Variants in KCTD16 observed in about 807,000 individuals in gnomAD.
KCTD16 encodes potassium channel tetramerization domain containing 16.
Under a neutral mutation model 33.2 loss-of-function variants are expected in KCTD16, and 13 were observed. The observed-to-expected ratio is 0.39, with a 90% CI of 0.25 to 0.62. KCTD16 has a LOEUF of 0.62. KCTD16 is among the 20% of genes least tolerant of loss of function. The probability of loss-of-function intolerance (pLI) is 0.50; values close to 1 mark genes in which losing one functional copy is unlikely to be tolerated. For missense variants in KCTD16, 441 were observed against 525.1 expected, an observed-to-expected ratio of 0.84 and a Z score of 1.57; for synonymous variants, 197 against 195.3, an observed-to-expected ratio of 1.01 and a Z score of -0.07.
intron 3 of KCTD16, among the ~76,000 whole-genome samples, chr5:144,275,576 T>C (rs1333155465): frequency 6.6e-6 from 1 of 152,238 alleles, no homozygotes; most frequent in Non-Finnish European, 1.5e-5. Flanking sequence ...TTCCCAGTTC[T>C]GCTTTTGTGA....
intron 2 of KCTD16, among the ~76,000 whole-genome samples, chr5:144,190,202 T>C (rs1752813834): frequency 6.6e-6 from 1 of 152,216 alleles, no homozygotes; most frequent in Non-Finnish European, 1.5e-5. Context: ...CTGTCTCTCT[T>C]ACTAGACTAT....
At chr5:144,472,756 G>A (rs1176782839) in intron 3 of KCTD16, among the ~76,000 whole-genome samples, 1 of 152,158 alleles carries the variant, frequency 6.6e-6, no homozygotes, top group Non-Finnish European at 1.5e-5. Context: ...AATAATAGAG[G>A]TATTTACAAA....
chr5:144,175,204 A>T (rs567422525), intron 2 of KCTD16, among the ~76,000 whole-genome samples: 1 of 152,320 alleles, frequency 6.6e-6, no homozygotes, highest in Non-Finnish European at 1.5e-5. Context: ...CAACCCAATG[A>T]GGTAGGTGCC....
At chr5:144,467,362 A>G (rs1277636315) in intron 3 of KCTD16, among the ~76,000 whole-genome samples, 1 of 151,988 alleles carries the variant, frequency 6.6e-6, no homozygotes, top group Admixed American at 6.6e-5. Flanking sequence ...CTGTCTGTAC[A>G]CAGCAGGCTT....
intron 3 of KCTD16, among the ~76,000 whole-genome samples, chr5:144,217,153 A>G (rs1753589892): frequency 6.6e-6 from 1 of 152,228 alleles, no homozygotes; most frequent in Admixed American, 6.5e-5. Context: ...GAGCTGGATC[A>G]CGTTGAAAAG....
At chr5:144,383,382 T>G (rs1580919379) in intron 3 of KCTD16, among the ~76,000 whole-genome samples, 1 of 152,174 alleles carries the variant, frequency 6.6e-6, no homozygotes, top group African/African-American at 2.4e-5. Context: ...TTTTTTGATT[T>G]GAAATATTCA....
In KCTD16 at chr5:144,194,802, C is replaced by A. The variant is rs192908683; in HGVS notation, c.-326-11587C>A. 2.8e-3 allele frequency among the ~76,000 whole-genome samples: 421 copies of A among 152,172 alleles called. 6 individuals carry two copies. Among genetic ancestry groups the A allele is most frequent in the African/African-American group, 9.3e-3 (386 of 41,510 alleles). ...AGGACTCTCTGATCCCAAAGCCCAC[C>A]CTTTTAACCATGATGCTCTATTGCT... On this transcript the variant is annotated intron_variant, in intron 2 of 3. Coordinates refer to ENST00000512467, the MANE Select transcript of KCTD16 (RefSeq NM_020768.4).
At chr5:144,208,352 C>T (rs980288037) in intron 3 of KCTD16, among the ~76,000 whole-genome samples, 2 of 152,146 alleles carry the variant, frequency 1.3e-5, no homozygotes, top group Non-Finnish European at 2.9e-5. Flanking sequence ...TCTTAGAGGT[C>T]AGTTCATTTG....
chr5:144,286,219 A>C (rs1001065506), intron 3 of KCTD16, among the ~76,000 whole-genome samples: 3 of 152,082 alleles, frequency 2.0e-5, no homozygotes, highest in African/African-American at 7.2e-5. Context: ...TGTGTGAGTG[A>C]AGATATCTTG....
chr5:144,329,966 T>G (rs542120156), intron 3 of KCTD16, among the ~76,000 whole-genome samples: 108 of 152,280 alleles, frequency 7.1e-4, no homozygotes, highest in African/African-American at 2.5e-3. Context: ...CTTCAAAAAT[T>G]ACCAGGAAAG....
Position 144,476,930 on chromosome 5 carries a change from G to T in KCTD16, c.*2816G>T, listed in dbSNP as rs143114630. On this transcript the variant is annotated 3_prime_UTR_variant, in exon 4 of 4. Transcript: ENST00000512467. ...TTCTCGAACATTGGTTATGACAAGG[G>T]CCATAAATTGCTAATATAAAGAAGT... 1.7e-4 allele frequency: 26 copies of T among 152,212 alleles called. No individual in the cohort carries two copies. The East Asian group carries it at 4.8e-3, about 28-fold the overall frequency. 9.4% of individuals were successfully genotyped at this position (152,212 alleles called of 1,614,324 possible). A position where few individuals can be genotyped will look rare whatever the true frequency, so the allele number is the denominator to read the frequency against.
At chr5:144,219,030 C>G (rs1292785922) in intron 3 of KCTD16, among the ~76,000 whole-genome samples, 1 of 152,076 alleles carries the variant, frequency 6.6e-6, no homozygotes, top group Non-Finnish European at 1.5e-5. Context: ...TACTTCCTAT[C>G]AGGGCATACT....
At chr5:144,391,010 C>G (rs1432588883) in intron 3 of KCTD16, among the ~76,000 whole-genome samples, 1 of 151,960 alleles carries the variant, frequency 6.6e-6, no homozygotes. Context: ...ACCTACAGCT[C>G]CCCCGCCACA....
intron 3 of KCTD16, among the ~76,000 whole-genome samples, chr5:144,227,734 T>C (rs1225463588): frequency 6.6e-6 from 1 of 152,186 alleles, no homozygotes; most frequent in Non-Finnish European, 1.5e-5. Context: ...GAGGAGTGGA[T>C]GGCTCAGAGA....
intron 2 of KCTD16, among the ~76,000 whole-genome samples, chr5:144,192,203 G>A (rs1561524155): frequency 6.6e-6 from 1 of 152,150 alleles, no homozygotes. Context: ...CTTCTTCAAG[G>A]TTTCAGGTTG....
chr5:144,243,970 C>T (rs1195892784), intron 3 of KCTD16, among the ~76,000 whole-genome samples: 1 of 152,094 alleles, frequency 6.6e-6, no homozygotes, highest in Admixed American at 6.6e-5. Context: ...GTCTCGATCT[C>T]CTGACTTCAT....
chr5:144,372,725 T>C lies in KCTD16; in HGVS notation c.833-100935T>C, dbSNP rs558642287. ...GTGATGGGAGGCAAGGTCTGTGTGA[T>C]TATAACAGTTGAATGTATGAGGCCT... On this transcript the variant is annotated intron_variant, in intron 3 of 3. Coordinates refer to ENST00000512467, the MANE Select transcript of KCTD16 (RefSeq NM_020768.4). Among the ~76,000 whole-genome samples the C allele has an allele frequency of 1.2e-3, 184 of 152,230 alleles. 1 individual carries two copies. The highest frequency in any genetic ancestry group is 4.2e-3 in the African/African-American group (173 of 41,544).
chr5:144,220,168 A>G (rs913154068), intron 3 of KCTD16, among the ~76,000 whole-genome samples: 6 of 151,504 alleles, frequency 4.0e-5, no homozygotes, highest in Non-Finnish European at 7.4e-5. Context: ...TCATCCTTCC[A>G]CTTCTCATTT....
chr5:144,208,675 A>G (rs1167911488), intron 3 of KCTD16, among the ~76,000 whole-genome samples: 1 of 152,154 alleles, frequency 6.6e-6, no homozygotes, highest in Non-Finnish European at 1.5e-5. Flanking sequence ...TTTTTTCCTT[A>G]GTTATGTTTA....
Sources: allele counts gnomAD v4.1 joint callset (sites outside exome capture counted in the v4.1 genomes callset), GRCh38; gene constraint gnomAD v4.1.1; transcripts MANE v1.5; gene names NCBI Gene and HGNC (gene_info 2026-07-23, HGNC 2026-07-21).